The following ZEB2 variants were observed in gnomAD, a reference collection of about 807,000 sequenced individuals.
ZEB2 encodes zinc finger E-box binding homeobox 2, also known as zinc finger E-box-binding homeobox 2.
Under a neutral mutation model 99.9 loss-of-function variants are expected in ZEB2, and 6 were observed. That is an observed-to-expected ratio of 0.06 (90% CI 0.03 to 0.12). The LOEUF (loss-of-function observed/expected upper bound fraction) is 0.12. Among genes scored for constraint, ZEB2 ranks in the 10% least tolerant of loss-of-function variants. The pLI is 1.00. For synonymous variants in ZEB2, 517 were observed against 542.5 expected, an observed-to-expected ratio of 0.95 and a Z score of 0.65; for missense variants, 969 against 1,502.8, an observed-to-expected ratio of 0.64 and a Z score of 5.87.
chr2:144,457,889 C>G (rs982691173), intron 2 of ZEB2, among the ~76,000 whole-genome samples: 6 of 152,000 alleles, frequency 3.9e-5, no homozygotes, highest in Admixed American at 1.3e-4. Context: ...GACATTTTGT[C>G]CTGTCCCAAT....
intron 4 of ZEB2, among the ~76,000 whole-genome samples, chr2:144,414,686 C>T (rs990813321): frequency 6.6e-6 from 1 of 152,168 alleles, no homozygotes; most frequent in Non-Finnish European, 1.5e-5. Context: ...TCTGGAAGAG[C>T]TGTATGTAGG....
At chr2:144,499,394 C>T (rs1335836024) in intron 2 of ZEB2, among the ~76,000 whole-genome samples, 1 of 152,132 alleles carries the variant, frequency 6.6e-6, no homozygotes, top group African/African-American at 2.4e-5. Context: ...TAATTTTTAA[C>T]CAGTATCTAA....
chr2:144,412,733 G>T (rs1703482814), intron 4 of ZEB2, among the ~76,000 whole-genome samples: 1 of 152,120 alleles, frequency 6.6e-6, no homozygotes, highest in Non-Finnish European at 1.5e-5. Flanking sequence ...TTATTATTAG[G>T]TAGCTTTCCT....
intron 2 of ZEB2, among the ~76,000 whole-genome samples, chr2:144,458,170 C>T (rs1704145788): frequency 6.6e-6 from 1 of 151,858 alleles, no homozygotes; most frequent in Admixed American, 6.6e-5. Context: ...ACCCCAACCA[C>T]CACCACCACC....
chr2:144,511,129 G>C (rs1252127367), intron 2 of ZEB2, among the ~76,000 whole-genome samples: 1 of 152,082 alleles, frequency 6.6e-6, no homozygotes, highest in Non-Finnish European at 1.5e-5. Context: ...TGTCTTCATG[G>C]ACCACACGCG....
intron 2 of ZEB2, among the ~76,000 whole-genome samples, chr2:144,498,665 G>T (rs942040834): frequency 1.4e-4 from 21 of 152,154 alleles, no homozygotes; most frequent in African/African-American, 4.8e-4. Context: ...ATTTAAATAT[G>T]AGAGAAACGA....
At chr2:144,501,125 C>T (rs562084400) in intron 2 of ZEB2, among the ~76,000 whole-genome samples, 21 of 110,520 alleles carry the variant, frequency 1.9e-4, no homozygotes, top group Admixed American at 6.3e-4. Flanking sequence ...TGAAACCTTA[C>T]GCTAACTGAT....
At position 144,429,955 on chromosome 2, in the gene ZEB2, C is replaced by T; in HGVS notation, c.145G>A (p.Asp49Asn). Residue 49 changes from aspartate to asparagine, a missense_variant, in exon 3 of 10, where the codon GAT (aspartate) becomes AAT (asparagine). Around this residue, in one of 8 missense-constraint regions of ZEB2, gnomAD observed 173 missense variants for 217.7 expected, o/e 0.79. Coordinates refer to ENST00000627532, the MANE Select transcript of ZEB2 (RefSeq NM_014795.4). Reference sequence around the variant, plus strand: ...TCCAGAGGGTTGGCAATACCGTCATCCTCAGCAATATGAAGCTTGTCTTCC... The same window carrying T: ...TCCAGAGGGTTGGCAATACCGTCATTCTCAGCAATATGAAGCTTGTCTTCC... ...DEEDKLHIAE[D>N]DGIANPLDQE... 6.2e-7 allele frequency: 1 copy of T among 1,613,878 alleles called. No individual in the cohort carries two copies. Among genetic ancestry groups the T allele is most frequent in the Non-Finnish European group, 8.5e-7 (1 of 1,179,902 alleles).
chr2:144,472,477 T>G lies in ZEB2; in HGVS notation c.74-42451A>C, dbSNP rs190970219. ...GATTGGGGAGTCCTATGAGATATGA[T>G]AATAATACTAATAGCAAACATGTTA... On this transcript the variant is annotated intron_variant, in intron 2 of 9. Coordinates refer to ENST00000627532, the MANE Select transcript of ZEB2 (RefSeq NM_014795.4). Among the ~76,000 whole-genome samples, 3 of 152,194 alleles carry G rather than the reference T, an allele frequency of 2.0e-5. No homozygotes were observed. In the South Asian group the frequency reaches 6.2e-4, roughly 32 times the overall value.
At position 144,401,325 on chromosome 2, in the gene ZEB2, C is replaced by A; in HGVS notation, c.808-18G>T. On this transcript the variant is annotated intron_variant, in intron 6 of 9. Coordinates refer to ENST00000627532, the MANE Select transcript of ZEB2 (RefSeq NM_014795.4). ...ATTTGGTGCTATAAAAGGAGAAAGA[C>A]TGACATCAGTTTTGTGCAGGAGGAA... 3.1e-6 allele frequency: 5 copies of A among 1,612,474 alleles called. No homozygotes were observed. The highest frequency in any genetic ancestry group is 4.2e-6 in the Non-Finnish European group (5 of 1,178,520).
chr2:144,440,640 C>T (rs1703902778), intron 2 of ZEB2, among the ~76,000 whole-genome samples: 1 of 151,274 alleles, frequency 6.6e-6, no homozygotes, highest in African/African-American at 2.4e-5. Flanking sequence ...GAGTCACACG[C>T]ATGGTGTGCC....
At chr2:144,404,470 C>G (rs1475274795) in intron 5 of ZEB2, among the ~76,000 whole-genome samples, 2 of 151,608 alleles carry the variant, frequency 1.3e-5, no homozygotes, top group Non-Finnish European at 1.5e-5. Flanking sequence ...CTCAGGAACT[C>G]ACAGTGTGAA....
intron 4 of ZEB2, among the ~76,000 whole-genome samples, chr2:144,418,504 A>G (rs1328846628): frequency 2.6e-5 from 4 of 152,154 alleles, no homozygotes; most frequent in Admixed American, 1.3e-4. Context: ...CCTGGCCAAC[A>G]TGACAAAACC....
intron 2 of ZEB2, among the ~76,000 whole-genome samples, chr2:144,479,207 T>C (rs1447547819): frequency 2.6e-5 from 4 of 152,240 alleles, no homozygotes; most frequent in Admixed American, 2.0e-4. Flanking sequence ...ATTCCTGGAA[T>C]TTCACAATGC....
Position 144,389,703 on chromosome 2 carries a change from C to A in ZEB2, c.3393G>T (p.Pro1131=). Residue 1131 remains proline, a synonymous_variant, in exon 10 of 10, where the codon CCG becomes CCT. Transcript: ENST00000627532. The surrounding 1 kb of genome is among the most constrained non-coding windows in gnomAD (Gnocchi z 6.8). The stretch of plus-strand genomic sequence containing the variant: ...GCTCCTTCTCGCTCTCGCCATCCCT[C>A]GGCATACTCTCCCTCTCCTCCGAGT... The part of the protein sequence containing the change: ...YSDSEERESM[P]RDGESEKEHE... 1.2e-6 allele frequency: 2 copies of A among 1,613,868 alleles called. No individual in the cohort carries two copies. The highest frequency in any genetic ancestry group is 1.7e-6 in the Non-Finnish European group (2 of 1,179,848).
At chr2:144,441,164 C>CAAGAGAGAGAGAGAGAGAGA (rs745749103) in intron 2 of ZEB2, among the ~76,000 whole-genome samples, 3 of 88,850 alleles carry the variant, frequency 3.4e-5, no homozygotes, top group African/African-American at 1.3e-4. Flanking sequence ...TTTAGCTGCA[C>CAAGAGAGAGAGAGAGAGAGA]GAGAGAGAGA....
chr2:144,511,929 T>C (rs1216510580), intron 2 of ZEB2: 24 of 1,287,152 alleles, frequency 1.9e-5, no homozygotes, highest in Non-Finnish European at 2.1e-5. Context: ...TCTGCTTTTG[T>C]GGTGACATTT....
chr2:144,513,603 G>A (rs1358897005), intron 2 of ZEB2: 4 of 1,530,340 alleles, frequency 2.6e-6, no homozygotes, highest in African/African-American at 2.7e-5. Context: ...GGCTGATGCT[G>A]GAAGGTGGCG....
At chr2:144,509,670 G>A (rs1705002603) in intron 2 of ZEB2, among the ~76,000 whole-genome samples, 1 of 152,130 alleles carries the variant, frequency 6.6e-6, no homozygotes, top group East Asian at 1.9e-4. Flanking sequence ...TAATCTAATT[G>A]TTGGGAGAAA....
Sources: allele counts gnomAD v4.1 joint callset (sites outside exome capture counted in the v4.1 genomes callset), GRCh38; gene constraint gnomAD v4.1.1; regional missense constraint gnomAD v4.1.1; non-coding constraint Gnocchi (gnomAD v3.1); transcripts MANE v1.5; gene names NCBI Gene and HGNC (gene_info 2026-07-23, HGNC 2026-07-21).